The following CDCA2 variants were observed in gnomAD, a reference collection of about 807,000 sequenced individuals.
The protein encoded by CDCA2 is cell division cycle-associated protein 2.
CDCA2 carries 44 observed loss-of-function variants against 67.0 expected under a neutral mutation model. That is an observed-to-expected ratio of 0.66 (90% CI 0.52 to 0.84). CDCA2 has a LOEUF of 0.84. CDCA2 is among the 40% of genes least tolerant of loss of function. The probability of loss-of-function intolerance (pLI) is 0.00; values close to 1 mark genes in which losing one functional copy is unlikely to be tolerated. For missense variants in CDCA2, 1,253 were observed against 1,203.2 expected (o/e 1.04, Z -0.61); for synonymous variants, 447 against 418.7 (o/e 1.07, Z -0.82).
At chr8:25,503,938 A>G (rs547157552) in intron 14 of CDCA2, among the ~76,000 whole-genome samples, 1 of 152,260 alleles carries the variant, frequency 6.6e-6, no homozygotes, top group Admixed American at 6.5e-5. Context: ...TGTGATCCCA[A>G]CCATTTGGGA....
intron 14 of CDCA2, among the ~76,000 whole-genome samples, chr8:25,504,757 C>A (rs1388631647): frequency 6.6e-6 from 1 of 152,178 alleles, no homozygotes; most frequent in Non-Finnish European, 1.5e-5. Context: ...TTTAATCTGA[C>A]CTAATGTTGC....
chr8:25,476,130 C>T (rs1291077446), intron 7 of CDCA2, among the ~76,000 whole-genome samples: 1 of 152,170 alleles, frequency 6.6e-6, no homozygotes, highest in Non-Finnish European at 1.5e-5. Context: ...AACCTCACTC[C>T]CAAATTCTGG....
intron 13 of CDCA2, among the ~76,000 whole-genome samples, chr8:25,494,450 T>TTATTATGCTGTATTTTTACAG (rs1350974865): frequency 6.6e-6 from 1 of 152,222 alleles, no homozygotes; most frequent in Non-Finnish European, 1.5e-5. Flanking sequence ...TAAAGCATAG[T>TTATTATGCTGTATTTTTACAG]TATTATGCTG....
At chr8:25,501,934 T>C (rs556798210) in intron 13 of CDCA2, among the ~76,000 whole-genome samples, 14 of 152,332 alleles carry the variant, frequency 9.2e-5, no homozygotes, top group Admixed American at 8.5e-4. Context: ...GGAGTCTCAC[T>C]GTCGCCAGGC....
intron 11 of CDCA2, among the ~76,000 whole-genome samples, chr8:25,486,546 T>C (rs966683299): frequency 6.6e-6 from 1 of 151,970 alleles, no homozygotes; most frequent in Non-Finnish European, 1.5e-5. Context: ...CTCATGCCTG[T>C]AATCCCTTTA....
intron 7 of CDCA2, among the ~76,000 whole-genome samples, chr8:25,475,510 C>G (rs1187185199): frequency 6.6e-6 from 1 of 152,170 alleles, no homozygotes; most frequent in Non-Finnish European, 1.5e-5. Flanking sequence ...CAGCGAGACT[C>G]CATCTCAAAC....
chr8:25,487,160 T>C (rs1586504602), intron 11 of CDCA2, 86 bp from the exon 12 acceptor site: 1 of 796,822 alleles, frequency 1.3e-6, no homozygotes, highest in East Asian at 2.5e-5. Context: ...TAAAGGTGGA[T>C]ATCCTAAACA....
In CDCA2 at chr8:25,475,859, C is replaced by T. The variant is rs185226886; in HGVS notation, c.821-4054C>T. Among the ~76,000 whole-genome samples, 542 of 152,324 alleles carry T rather than the reference C, an allele frequency of 3.6e-3. 7 individuals carry two copies. Among genetic ancestry groups the T allele is most frequent in the African/African-American group, 0.012 (508 of 41,584 alleles). On this transcript the variant is annotated intron_variant, in intron 7 of 14. Transcript: ENST00000330560. ...ACGTTCTTTGTTTTTATCTGCCCCC[C>T]AGTGGCCCAGCCTTGCCAGTACTCC...
chr8:25,481,233 C>CCA (rs1803557029), intron 8 of CDCA2, among the ~76,000 whole-genome samples: 5 of 128,756 alleles, frequency 3.9e-5, no homozygotes, highest in South Asian at 2.5e-4. Context: ...CAGTCTGGGA[C>CCA]AAAAAAAAAA....
chr8:25,467,063 AAAACAC>A (rs1424522006), intron 5 of CDCA2, among the ~76,000 whole-genome samples: 1 of 141,402 alleles, frequency 7.1e-6, no homozygotes, highest in African/African-American at 2.8e-5. Context: ...AAAAAAAAAA[AAAACAC>A]ACACACACAC....
At position 25,484,185 on chromosome 8, in the gene CDCA2, A is replaced by AT; in HGVS notation, c.1344dup (p.Asp449Ter). On this transcript the variant is annotated frameshift_variant, in exon 10 of 15. Coordinates refer to ENST00000330560, the MANE Select transcript of CDCA2 (RefSeq NM_152562.4). LOFTEE classifies it high-confidence loss of function. Reference sequence around the variant, plus strand: ...GTTCCTGAGCCATTACCTCAACCAGATTTTGATGACAAGGGGGAGAATCTT... The same window carrying AT: ...GTTCCTGAGCCATTACCTCAACCAGATTTTTGATGACAAGGGGGAGAATCTT... 1 of 1,614,116 alleles carries AT rather than the reference A, an allele frequency of 6.2e-7. No individual in the cohort carries two copies. Among genetic ancestry groups the AT allele is most frequent in the Non-Finnish European group, 8.5e-7 (1 of 1,179,982 alleles).
chr8:25,487,927 GAGA>G (rs1187295306), intron 12 of CDCA2, among the ~76,000 whole-genome samples: 1 of 152,116 alleles, frequency 6.6e-6, no homozygotes, highest in Non-Finnish European at 1.5e-5. Context: ...GGTGAAAATG[GAGA>G]AGATCAGCAT....
intron 7 of CDCA2, among the ~76,000 whole-genome samples, chr8:25,479,377 A>T (rs1803477697): frequency 6.6e-6 from 1 of 152,128 alleles, no homozygotes; most frequent in Non-Finnish European, 1.5e-5. Context: ...GGATCACTTA[A>T]TCATAAGGCA....
chr8:25,503,195 G>T (rs13254791), intron 13 of CDCA2, among the ~76,000 whole-genome samples, 178 bp from the exon 14 acceptor site: 85,660 of 151,998 alleles, frequency 0.56, 25,897 homozygotes, highest in Middle Eastern at 0.66. Context: ...GAGATGGGAG[G>T]CTTGCTTGAG....
chr8:25,462,811 GA>G, intron 4 of CDCA2, among the ~76,000 whole-genome samples: 1 of 152,210 alleles, frequency 6.6e-6, no homozygotes, highest in East Asian at 1.9e-4. Context: ...CAAGTAGCTG[GA>G]ACTATAGGCA....
intron 5 of CDCA2, 105 bp downstream of exon 5, chr8:25,466,430 A>G (rs1802906032): frequency 1.9e-6 from 2 of 1,048,580 alleles, no homozygotes; most frequent in African/African-American, 1.7e-5. Flanking sequence ...GAACACAGGT[A>G]TATTTATAAA....
At chr8:25,462,319 T>A in intron 4 of CDCA2, 111 bp downstream of exon 4, 1 of 1,259,370 alleles carries the variant, frequency 7.9e-7, no homozygotes, top group South Asian at 1.4e-5. Flanking sequence ...AGATTTTCTC[T>A]GTGTTTTAGA....
chr8:25,501,659 A>G (rs886399092), intron 13 of CDCA2, among the ~76,000 whole-genome samples: 1 of 151,982 alleles, frequency 6.6e-6, no homozygotes, highest in Non-Finnish European at 1.5e-5. Flanking sequence ...TAGACATTAC[A>G]TTTTCCGTGG....
intron 13 of CDCA2, among the ~76,000 whole-genome samples, chr8:25,492,991 T>C (rs574178552): frequency 6.6e-6 from 1 of 152,318 alleles, no homozygotes; most frequent in Admixed American, 6.5e-5. Flanking sequence ...TTTGTGTGTT[T>C]GTTTGTTTGT....
Sources: allele counts gnomAD v4.1 joint callset (sites outside exome capture counted in the v4.1 genomes callset), GRCh38; gene constraint gnomAD v4.1.1; transcripts MANE v1.5; gene names NCBI Gene and HGNC (gene_info 2026-07-23, HGNC 2026-07-21).